The following BMPR1B variants were observed in gnomAD, a reference collection of about 807,000 sequenced individuals.
BMPR1B encodes bone morphogenetic protein receptor type 1B.
Under a neutral mutation model 59.1 loss-of-function variants are expected in BMPR1B, and 12 were observed. The ratio of observed to expected loss-of-function variants is 0.20; its 90% CI spans 0.13 to 0.33. The LOEUF is 0.33. Ranked by LOEUF, BMPR1B falls within the 10% of genes least tolerant of loss-of-function variation. The pLI, the probability that BMPR1B is intolerant of heterozygous loss-of-function variation, is 1.00. For synonymous variants in BMPR1B, 237 were observed against 207.3 expected (o/e 1.14, Z -1.23); for missense variants, 550 against 610.9 (o/e 0.90, Z 1.05).
At chr4:94,824,883 G>A (rs1724330043) in intron 1 of BMPR1B, among the ~76,000 whole-genome samples, 1 of 152,168 alleles carries the variant, frequency 6.6e-6, no homozygotes, top group South Asian at 2.1e-4. Flanking sequence ...TGTAGTTACT[G>A]AAATTTGTAA....
intron 2 of BMPR1B, among the ~76,000 whole-genome samples, chr4:94,883,742 T>G (rs1271050784): frequency 1.3e-5 from 2 of 152,198 alleles, no homozygotes; most frequent in East Asian, 3.8e-4. Flanking sequence ...AAGCTATTGT[T>G]AGACTAAGGG....
intron 2 of BMPR1B, among the ~76,000 whole-genome samples, chr4:94,893,212 A>G (rs1474337364): frequency 6.6e-6 from 1 of 152,068 alleles, no homozygotes; most frequent in Non-Finnish European, 1.5e-5. Flanking sequence ...AATGAGTCAT[A>G]ACATCTGAAA....
chr4:94,826,813 G>A (rs948054568), intron 1 of BMPR1B, among the ~76,000 whole-genome samples: 7 of 151,976 alleles, frequency 4.6e-5, no homozygotes, highest in Non-Finnish European at 1.0e-4. Context: ...TATATTAGTC[G>A]TATCGATTTC....
intron 1 of BMPR1B, among the ~76,000 whole-genome samples, chr4:94,778,928 A>G (rs1722487797): frequency 6.6e-6 from 1 of 151,926 alleles, no homozygotes; most frequent in East Asian, 1.9e-4. Flanking sequence ...ATGAATGCTA[A>G]TTTTTAGTTA....
chr4:95,043,579 A>G (rs1213877357), intron 3 of BMPR1B, among the ~76,000 whole-genome samples: 1 of 152,210 alleles, frequency 6.6e-6, no homozygotes, highest in Non-Finnish European at 1.5e-5. Context: ...TTTTAAAAAG[A>G]ATTTTGTGAT....
intron 1 of BMPR1B, among the ~76,000 whole-genome samples, chr4:94,791,154 A>G (rs1158474346): frequency 6.6e-6 from 1 of 151,800 alleles, no homozygotes; most frequent in Non-Finnish European, 1.5e-5. Flanking sequence ...ACGCCCACCT[A>G]ATTTTTGTAT....
intron 1 of BMPR1B, among the ~76,000 whole-genome samples, chr4:94,776,555 A>G (rs560990276): frequency 3.9e-5 from 6 of 152,308 alleles, no homozygotes; most frequent in South Asian, 2.1e-4. Flanking sequence ...AGCAAATGCA[A>G]TTATTTAGCT....
chr4:95,134,093 A>G (rs934901516), intron 10 of BMPR1B, among the ~76,000 whole-genome samples: 9 of 152,044 alleles, frequency 5.9e-5, no homozygotes, highest in Non-Finnish European at 8.8e-5. Flanking sequence ...TCATTGTTCA[A>G]TTCCCACATA....
intron 3 of BMPR1B, among the ~76,000 whole-genome samples, chr4:95,101,889 T>G (rs1579080443): frequency 6.6e-6 from 1 of 152,134 alleles, no homozygotes; most frequent in African/African-American, 2.4e-5. Flanking sequence ...GGCTTTTATT[T>G]TAGTGTCTCC....
intron 3 of BMPR1B, among the ~76,000 whole-genome samples, chr4:95,039,422 T>G (rs1048299895): frequency 0.016 from 241 of 15,418 alleles, 2 homozygotes; most frequent in African/African-American, 0.068. Flanking sequence ...TTACTTCTTC[T>G]TTTTTTTTTT....
intron 3 of BMPR1B, among the ~76,000 whole-genome samples, chr4:95,044,022 AT>A (rs1324199835): frequency 4.6e-5 from 7 of 152,232 alleles, no homozygotes; most frequent in African/African-American, 1.7e-4. Context: ...TATGATTGTT[AT>A]AAAAGAAAAT....
chr4:94,860,105 G>A (rs28753985), intron 1 of BMPR1B, among the ~76,000 whole-genome samples: 48,575 of 151,788 alleles, frequency 0.32, 8,139 homozygotes, highest in African/African-American at 0.37. Context: ...ATTCCTTAAC[G>A]CGTCCCTAAA....
chr4:95,096,758 T>C (rs924288997), intron 3 of BMPR1B, among the ~76,000 whole-genome samples: 1 of 138,182 alleles, frequency 7.2e-6, no homozygotes, highest in Admixed American at 7.7e-5. Flanking sequence ...TATATAGTTA[T>C]ATATAACTAT....
At chr4:95,051,601 T>A in intron 3 of BMPR1B, 1 of 1,147,544 alleles carries the variant, frequency 8.7e-7, no homozygotes, top group Non-Finnish European at 1.2e-6. Context: ...TGCGAGAAGA[T>A]CTGACAAGAG....
In BMPR1B at chr4:94,839,277, T is replaced by A. The variant is rs1297611606; in HGVS notation, c.-182-36554T>A. Among the ~76,000 whole-genome samples the A allele has an allele frequency of 1.1e-4, 15 of 135,876 alleles. 1 individual carries two copies. The highest frequency in any genetic ancestry group is 3.9e-4 in the African/African-American group (14 of 36,144). The allele number at this position is 135,876 out of a possible 152,430, so 89.1% of individuals were successfully genotyped here. ...GAGTTCTGTAGATGTCTATTAGGTC[T>A]GCTTGGTGCAGAGCTGAGTTCAATT... On this transcript the variant is annotated intron_variant, in intron 1 of 12. Coordinates refer to ENST00000515059, the MANE Select transcript of BMPR1B (RefSeq NM_001203.3).
chr4:95,058,211 T>C (rs965490505), intron 3 of BMPR1B, among the ~76,000 whole-genome samples: 3 of 152,240 alleles, frequency 2.0e-5, no homozygotes, highest in Non-Finnish European at 4.4e-5. Context: ...AGGCTAGTGT[T>C]ATACATCGTT....
chr4:94,942,301 C>A (rs956541754), intron 2 of BMPR1B, among the ~76,000 whole-genome samples: 1 of 152,154 alleles, frequency 6.6e-6, no homozygotes, highest in African/African-American at 2.4e-5. Flanking sequence ...ACCTCTTATG[C>A]TTTACCTCCT....
chr4:94,867,451 A>G (rs918266213), intron 1 of BMPR1B, among the ~76,000 whole-genome samples: 4 of 152,222 alleles, frequency 2.6e-5, no homozygotes, highest in African/African-American at 9.6e-5. Flanking sequence ...GCAATAGATC[A>G]TTAATTCTTG....
intron 1 of BMPR1B, among the ~76,000 whole-genome samples, chr4:94,824,385 CT>C (rs1724311501): frequency 6.6e-6 from 1 of 152,146 alleles, no homozygotes; most frequent in African/African-American, 2.4e-5. Context: ...TCTTCAGTGT[CT>C]CATTTATTTA....
Sources: gnomAD v4.1 joint callset for allele counts (sites outside exome capture counted in the v4.1 genomes callset) on GRCh38, gnomAD v4.1.1 for gene constraint, MANE v1.5 for transcripts, NCBI Gene and HGNC (gene_info 2026-07-23, HGNC 2026-07-21) for gene names.